The following FBXL17 variants were observed in gnomAD, a reference collection of about 807,000 sequenced individuals.
The protein encoded by FBXL17 is F-box and leucine rich repeat protein 17.
A neutral mutation model predicts 66.2 loss-of-function variants in FBXL17; 22 were observed. The observed-to-expected ratio is 0.33, with a 90% CI of 0.24 to 0.47. The LOEUF is 0.47. Among genes scored for constraint, FBXL17 ranks in the 20% least tolerant of loss-of-function variants. FBXL17 has a pLI of 1.00. For synonymous variants in FBXL17, 474 were observed against 400.5 expected (o/e 1.18, Z -2.19); for missense variants, 878 against 948.2 (o/e 0.93, Z 0.97).
chr5:107,924,512 T>C (rs976214786), intron 7 of FBXL17, among the ~76,000 whole-genome samples: 9 of 152,136 alleles, frequency 5.9e-5, no homozygotes, highest in African/African-American at 2.2e-4. Flanking sequence ...GTTAAAAAAA[T>C]GGTAAATAAG....
In FBXL17 at chr5:108,368,833, C is replaced by T. The variant is rs1428931805; in HGVS notation, c.994-880G>A. Among the ~76,000 whole-genome samples the T allele has an allele frequency of 2.0e-5, 3 of 151,186 alleles. No individual in the cohort carries two copies. The East Asian group carries it at 5.8e-4, about 29-fold the overall frequency. On this transcript the variant is annotated intron_variant, in intron 1 of 8. Transcript: ENST00000542267. ...GTCTCAGGACCCCAAAATCACTAAG[C>T]CAAAGACAAAAGTCAAGGCGGGAAC...
intron 7 of FBXL17, among the ~76,000 whole-genome samples, chr5:107,970,116 A>AG (rs1752311002): frequency 6.6e-6 from 1 of 152,096 alleles, no homozygotes; most frequent in African/African-American, 2.4e-5. Context: ...TTAACCCTTC[A>AG]GCTCCCCATT....
chr5:108,337,959 T>C (rs1746617034), intron 4 of FBXL17, among the ~76,000 whole-genome samples: 2 of 151,842 alleles, frequency 1.3e-5, no homozygotes. Flanking sequence ...CTTAAAACAA[T>C]GAAAAACTAT....
chr5:108,181,945 G>T (rs923592854), intron 6 of FBXL17, among the ~76,000 whole-genome samples: 11 of 152,080 alleles, frequency 7.2e-5, no homozygotes, highest in Non-Finnish European at 1.3e-4. Flanking sequence ...GAAAGTCAAA[G>T]AAATGGTCTA....
intron 7 of FBXL17, among the ~76,000 whole-genome samples, chr5:107,891,659 T>A (rs1013755480): frequency 2.0e-5 from 3 of 151,880 alleles, no homozygotes; most frequent in Admixed American, 6.6e-5. Context: ...GAAAAAAAAA[T>A]TTTCTTGGCT....
Position 108,222,306 on chromosome 5 carries a change from T to C in FBXL17, c.1614+1815A>G, listed in dbSNP as rs373120177. Among the ~76,000 whole-genome samples, 4 of 152,116 alleles carry C rather than the reference T, an allele frequency of 2.6e-5. No individual in the cohort carries two copies. In the South Asian group the frequency reaches 8.3e-4, roughly 32 times the overall value. On this transcript the variant is annotated intron_variant, in intron 5 of 8. Coordinates refer to ENST00000542267, the MANE Select transcript of FBXL17 (RefSeq NM_001163315.3). Reference sequence around the variant, plus strand: ...CCACATATGGCCATCACAACACTTGTTGTGCACAATCTGTTCAACCAAAGG... The same window carrying C: ...CCACATATGGCCATCACAACACTTGCTGTGCACAATCTGTTCAACCAAAGG...
At chr5:107,973,237 T>G (rs1752442068) in intron 7 of FBXL17, among the ~76,000 whole-genome samples, 1 of 152,222 alleles carries the variant, frequency 6.6e-6, no homozygotes, top group Non-Finnish European at 1.5e-5. Context: ...CAGCCTTGTT[T>G]TAGAGCAAGC....
chr5:108,248,216 T>A (rs1427003314), intron 4 of FBXL17, among the ~76,000 whole-genome samples: 1 of 152,116 alleles, frequency 6.6e-6, no homozygotes, highest in Non-Finnish European at 1.5e-5. Context: ...ATAGACATAC[T>A]TGAAGCAAAC....
At chr5:107,909,222 G>C (rs1268541865) in intron 7 of FBXL17, among the ~76,000 whole-genome samples, 1 of 152,136 alleles carries the variant, frequency 6.6e-6, no homozygotes, top group East Asian at 1.9e-4. Context: ...ACTCATTTAA[G>C]TGGATTCTGA....
chr5:107,880,751 G>A (rs1561515741), intron 8 of FBXL17: 1 of 1,294,350 alleles, frequency 7.7e-7, no homozygotes, highest in Non-Finnish European at 9.7e-7. Context: ...TTTGGTCCAT[G>A]GACTTATGAA....
intron 6 of FBXL17, among the ~76,000 whole-genome samples, chr5:108,024,165 C>T (rs190020410): frequency 7.9e-5 from 12 of 152,208 alleles, no homozygotes; most frequent in African/African-American, 2.4e-4. Context: ...TGTATGACAA[C>T]ATAAGGAGTT....
rs533405504 is a variant in FBXL17 at position 108,305,140 on chromosome 5, G to A, written c.1506+43259C>T. On this transcript the variant is annotated intron_variant, in intron 4 of 8. Coordinates refer to ENST00000542267, the MANE Select transcript of FBXL17 (RefSeq NM_001163315.3). Reference sequence around the variant, plus strand: ...AGAACTTATGTGCAGGAAAAAGTAAGTGTATATGGCGTGTTCAGAAAACCA... The same window carrying A: ...AGAACTTATGTGCAGGAAAAAGTAAATGTATATGGCGTGTTCAGAAAACCA... Among the ~76,000 whole-genome samples the A allele has an allele frequency of 5.0e-4, 76 of 152,204 alleles. 1 individual carries two copies. In the Middle Eastern group the frequency reaches 0.014, roughly 27 times the overall value.
chr5:108,133,528 T>C (rs1203201990), intron 6 of FBXL17, among the ~76,000 whole-genome samples: 4 of 152,140 alleles, frequency 2.6e-5, no homozygotes, highest in African/African-American at 9.7e-5. Context: ...TTTTGGAGAC[T>C]GAATTTTAAA....
intron 7 of FBXL17, among the ~76,000 whole-genome samples, chr5:107,888,361 A>G (rs1749043206): frequency 6.6e-6 from 1 of 152,174 alleles, no homozygotes; most frequent in Admixed American, 6.5e-5. Context: ...CATAGTTTTA[A>G]TTAACTTTCT....
chr5:107,985,031 C>T (rs1466819494), intron 7 of FBXL17, among the ~76,000 whole-genome samples: 2 of 152,122 alleles, frequency 1.3e-5, no homozygotes, highest in East Asian at 1.9e-4. Context: ...TGACCAATTC[C>T]TTTTCATGGA....
intron 6 of FBXL17, among the ~76,000 whole-genome samples, chr5:108,070,757 A>G (rs1462526405): frequency 6.6e-6 from 1 of 152,214 alleles, no homozygotes; most frequent in East Asian, 1.9e-4. Flanking sequence ...AGTGAGATTA[A>G]GATAATTTAA....
At chr5:107,966,147 CCCT>C (rs1458381500) in intron 7 of FBXL17, among the ~76,000 whole-genome samples, 2 of 152,206 alleles carry the variant, frequency 1.3e-5, no homozygotes, top group Non-Finnish European at 2.9e-5. Context: ...CTATCCCTTC[CCCT>C]CCTCCTCTCC....
intron 6 of FBXL17, among the ~76,000 whole-genome samples, chr5:108,136,777 C>T (rs907842593): frequency 1.3e-5 from 2 of 152,044 alleles, no homozygotes; most frequent in Non-Finnish European, 2.9e-5. Flanking sequence ...GGTCTAAACT[C>T]GACAGGAAAC....
intron 1 of FBXL17, among the ~76,000 whole-genome samples, chr5:108,378,656 G>C (rs947258104): frequency 6.6e-6 from 1 of 152,112 alleles, no homozygotes; most frequent in Non-Finnish European, 1.5e-5. Flanking sequence ...GTCAGAATAT[G>C]GACATTCCTT....
Sources: allele counts gnomAD v4.1 joint callset (sites outside exome capture counted in the v4.1 genomes callset), GRCh38; gene constraint gnomAD v4.1.1; transcripts MANE v1.5; gene names NCBI Gene and HGNC (gene_info 2026-07-23, HGNC 2026-07-21).